The following LAMA5 variants were observed in gnomAD, a reference collection of about 807,000 sequenced individuals.
LAMA5 encodes laminin subunit alpha-5.
In LAMA5, 260 loss-of-function variants were observed where a neutral mutation model predicts 433.4. That is an observed-to-expected ratio of 0.60 (90% CI 0.54 to 0.66). LAMA5 has a LOEUF of 0.66. Among genes scored for constraint, LAMA5 ranks in the 30% least tolerant of loss-of-function variants. The pLI is 0.00. For missense variants in LAMA5, 5,378 were observed against 5,258.5 expected, an observed-to-expected ratio of 1.02 and a Z score of -0.70; for synonymous variants, 2,620 against 2,226.6, an observed-to-expected ratio of 1.18 and a Z score of -4.97.
intron 1 of LAMA5, among the ~76,000 whole-genome samples, chr20:62,363,815 C>T (rs1986425455): frequency 6.6e-6 from 1 of 152,066 alleles, no homozygotes; most frequent in Non-Finnish European, 1.5e-5. Flanking sequence ...GGGCCCAACC[C>T]CCTCGCCCAG....
Position 62,312,906 on chromosome 20 carries a change from C to T in LAMA5, c.9060G>A (p.Leu3020=). The change falls in exon 66 of 80, where the codon CTG becomes CTA. Residue 3020 remains leucine, a synonymous_variant. Coordinates refer to ENST00000252999, the MANE Select transcript of LAMA5 (RefSeq NM_005560.6). ...KAVPLQPPPP[L]TSASKAIQVF... is the part of the protein sequence containing the mutation. ...GCCCTACCGCCTTGCTGGCCGAGGT[C>T]AGGGGCGGTGGGGGCTGCAGTGGGA... 6.3e-7 allele frequency: 1 copy of T among 1,585,348 alleles called. No individual in the cohort carries two copies. The highest frequency in any genetic ancestry group is 8.6e-7 in the Non-Finnish European group (1 of 1,163,986).
At position 62,332,414 on chromosome 20, in the gene LAMA5, C is replaced by T; in HGVS notation, c.3510G>A (p.Glu1170=). 6.2e-7 allele frequency: 1 copy of T among 1,612,842 alleles called. No homozygotes were observed. Among genetic ancestry groups the T allele is most frequent in the South Asian group, 1.1e-5 (1 of 91,084 alleles). Residue 1170 remains glutamate, a synonymous_variant, in exon 28 of 80, where the codon GAG becomes GAA. Coordinates refer to ENST00000252999, the MANE Select transcript of LAMA5 (RefSeq NM_005560.6). ...DHLAVFHLDS[E]ASVRLTAEQA... is the part of the protein sequence containing the mutation. ...GTTCGGCTGTGAGCCTCACGCTGGC[C>T]TCCGAGTCCAGGTGGAAGACAGCCA...
At chr20:62,313,948 T>TGGCGAGTGTGCAC in intron 62 of LAMA5, 146 bp from the exon 63 acceptor site, 2 of 422,284 alleles carry the variant, frequency 4.7e-6, no homozygotes, top group African/African-American at 5.1e-5. Flanking sequence ...CGAGTGGGCA[T>TGGCGAGTGTGCAC]GGAGAGACGG....
At chr20:62,364,781 C>A (rs560978382) in intron 1 of LAMA5, among the ~76,000 whole-genome samples, 1 of 152,248 alleles carries the variant, frequency 6.6e-6, no homozygotes, top group African/African-American at 2.4e-5. Flanking sequence ...CGACCCCCAT[C>A]TGGGATGCCC....
Position 62,312,270 on chromosome 20 carries a change from G to T in LAMA5, c.9407C>A (p.Ala3136Glu), listed in dbSNP as rs778467081. 2 of 1,611,104 alleles carry T rather than the reference G, an allele frequency of 1.2e-6. No homozygotes were observed. The highest frequency in any genetic ancestry group is 8.5e-7 in the Non-Finnish European group (1 of 1,179,450). ...AGTGAGCGGTGCCACGTTCGAGAGC[G>T]CCAGGCGAAGGAAGCCGTGGCCATG... The part of the protein sequence containing the change: ...TFHGHGFLRL[A>E]LSNVAPLTGN... Residue 3136 changes from alanine to glutamate, a missense_variant, in exon 69 of 80, where the codon GCG becomes GAG. By Grantham distance (107) the Ala-to-Glu change is moderately radical. Coordinates refer to ENST00000252999, the MANE Select transcript of LAMA5 (RefSeq NM_005560.6).
intron 11 of LAMA5, among the ~76,000 whole-genome samples, chr20:62,342,693 A>C (rs1315207363): frequency 1.3e-5 from 2 of 149,022 alleles, no homozygotes. Flanking sequence ...AAAAACAAAA[A>C]AACAAAAAAA....
In LAMA5 at chr20:62,329,154, G is replaced by A; in HGVS notation, c.4219C>T (p.Gln1407Ter). Reference sequence around the variant, plus strand: ...CCTGCCCACCTGATGTGGTAGCCCTGGGCTGCGCAGTGGCTGATGAAGTCA... The same window carrying A: ...CCTGCCCACCTGATGTGGTAGCCCTAGGCTGCGCAGTGGCTGATGAAGTCA... ...SYDFISHCAA[Q>*]GYHISPSSSS... is the part of the protein sequence containing the mutation. Residue 1407 changes from glutamine to a stop codon, truncating the protein, a stop_gained, in exon 33 of 80, where the codon CAG becomes TAG. Coordinates refer to ENST00000252999, the MANE Select transcript of LAMA5 (RefSeq NM_005560.6). LOFTEE classifies it high-confidence loss of function. The A allele has an allele frequency of 6.2e-7, 1 of 1,612,780 alleles. No individual in the cohort carries two copies. The highest frequency in any genetic ancestry group is 8.5e-7 in the Non-Finnish European group (1 of 1,179,790).
chr20:62,314,423 C>T lies in LAMA5; in HGVS notation c.8385G>A (p.Met2795Ile), dbSNP rs1485432500. ...CCTTCTTGTCACGCAGAGACACACC[C>T]ATGTAGTCCCCAGTGGCCTGCGGCA... is the stretch of plus-strand genomic sequence containing the variant. ...MGSRQATGDY[M>I]GVSLRDKKVH... Residue 2795 changes from methionine to isoleucine, a missense_variant, in exon 62 of 80, where the codon ATG (methionine) becomes ATA (isoleucine). Met to Ile is a conservative substitution (Grantham distance 10, BLOSUM62 1). Transcript: ENST00000252999. 1 of 1,613,350 alleles carries T rather than the reference C, an allele frequency of 6.2e-7. No individual in the cohort carries two copies. The highest frequency in any genetic ancestry group is 1.3e-5 in the African/African-American group (1 of 74,920).
chr20:62,329,385 C>T, intron 32 of LAMA5, 132 bp from the exon 33 acceptor site: 1 of 658,488 alleles, frequency 1.5e-6, no homozygotes, highest in Non-Finnish European at 2.6e-6. Flanking sequence ...CCAGCCCAGC[C>T]CAGCCCTGGG....
intron 31 of LAMA5, 46 bp downstream of exon 31, chr20:62,330,442 C>G (rs1225261399): frequency 6.7e-7 from 1 of 1,484,484 alleles, no homozygotes; most frequent in East Asian, 2.5e-5. Flanking sequence ...GCATTCCAGC[C>G]TCATCGTGTG....
chr20:62,351,196 A>C, intron 6 of LAMA5: 1 of 177,752 alleles, frequency 5.6e-6, no homozygotes, highest in Non-Finnish European at 1.2e-5. Flanking sequence ...GCTTGACTGG[A>C]GTGAAGGTCA....
In LAMA5 at chr20:62,333,551, G is replaced by A; in HGVS notation, c.3021+13C>T. On this transcript the variant is annotated intron_variant, in intron 24 of 79. Transcript: ENST00000252999. ...GACCCGGCCCCCAGCCCTCACTCTG[G>A]CCCCTGCCTCACCAGGAGCACCCCT... is the stretch of plus-strand genomic sequence containing the variant. 6.4e-7 allele frequency: 1 copy of A among 1,565,848 alleles called. No homozygotes were observed. The highest frequency in any genetic ancestry group is 8.7e-7 in the Non-Finnish European group (1 of 1,155,620).
intron 55 of LAMA5, 31 bp from the exon 56 acceptor site, chr20:62,317,054 G>A (rs2146077233): frequency 1.3e-6 from 2 of 1,509,554 alleles, no homozygotes; most frequent in Non-Finnish European, 1.8e-6. Context: ...GAAGGAGTGG[G>A]TAAGCGCAGA....
chr20:62,317,118 C>T, intron 55 of LAMA5, 95 bp from the exon 56 acceptor site: 1 of 1,381,834 alleles, frequency 7.2e-7, no homozygotes, highest in Middle Eastern at 2.7e-4. Context: ...CGTGCCCGTG[C>T]CTGCCCGCCA....
rs1359586122 is a variant in LAMA5, at chr20:62,346,528, G to T, written c.1260C>A (p.Leu420=). 1.3e-6 allele frequency: 2 copies of T among 1,553,100 alleles called. No individual in the cohort carries two copies. Among genetic ancestry groups the T allele is most frequent in the Non-Finnish European group, 1.7e-6 (2 of 1,148,108 alleles). Residue 420 remains leucine, a synonymous_variant, in exon 9 of 80, where the codon CTC becomes CTA. Transcript: ENST00000252999. ...CACGGCGGCAGACGTGGGGCGAGTCGAGAGGGTGGTTGGGAGAGCGGTAGA... is the reference window on the plus strand; with the variant it reads ...CACGGCGGCAGACGTGGGGCGAGTCTAGAGGGTGGTTGGGAGAGCGGTAGA... The part of the protein sequence containing the change: ...PGFYRSPNHP[L]DSPHVCRRCN...
rs1980966938 is a variant in LAMA5 at position 62,333,745 on chromosome 20, T to C, written c.2879-39A>G. The C allele has an allele frequency of 2.0e-6, 3 of 1,518,452 alleles. No individual in the cohort carries two copies. The South Asian group carries it at 3.7e-5, about 19-fold the overall frequency. The allele number at this position is 1,518,452 out of a possible 1,614,324, so 94.1% of individuals were successfully genotyped here. Reference sequence around the variant, plus strand: ...GGGGTGAGACTCCTGAGCCCAGCCCTTGGGGCCACCCCAGGCTGCACCCCC... The same window carrying C: ...GGGGTGAGACTCCTGAGCCCAGCCCCTGGGGCCACCCCAGGCTGCACCCCC... On this transcript the variant is annotated intron_variant, in intron 23 of 79. Coordinates refer to ENST00000252999, the MANE Select transcript of LAMA5 (RefSeq NM_005560.6).
chr20:62,334,802 G>A (rs936581650), intron 20 of LAMA5, among the ~76,000 whole-genome samples, 181 bp from the exon 21 acceptor site: 10 of 100,846 alleles, frequency 9.9e-5, no homozygotes, highest in Admixed American at 9.2e-4. Flanking sequence ...TGTTAGTGCC[G>A]TCTGCCCAGG....
intron 2 of LAMA5, among the ~76,000 whole-genome samples, chr20:62,360,142 G>C (rs1235850813): frequency 6.6e-6 from 1 of 150,926 alleles, no homozygotes; most frequent in African/African-American, 2.4e-5. Context: ...CCCTGACCAA[G>C]GCTGGCAGCC....
chr20:62,335,386 ACCC>A (rs1455720934), intron 18 of LAMA5, 117 bp from the exon 19 acceptor site: 16 of 926,482 alleles, frequency 1.7e-5, no homozygotes. Context: ...AGGCTCCAGC[ACCC>A]CCAGGAGCCC....
Sources: allele counts gnomAD v4.1 joint callset (sites outside exome capture counted in the v4.1 genomes callset), GRCh38; gene constraint gnomAD v4.1.1; transcripts MANE v1.5; gene names NCBI Gene and HGNC (gene_info 2026-07-23, HGNC 2026-07-21).